The following RUFY3 variants were observed in gnomAD, a reference collection of about 807,000 sequenced individuals.
RUFY3 encodes the protein RUN and FYVE domain containing 3, also known as protein RUFY3.
In RUFY3, 34 loss-of-function variants were observed where a neutral mutation model predicts 84.0. That is an observed-to-expected ratio of 0.40 (90% CI 0.31 to 0.54). The LOEUF (loss-of-function observed/expected upper bound fraction) is 0.54, where lower values mean the gene tolerates loss of function less well. Ranked by LOEUF, RUFY3 falls within the 20% of genes least tolerant of loss-of-function variation. RUFY3 has a pLI of 0.39. For synonymous variants in RUFY3, 242 were observed against 252.9 expected (o/e 0.96, Z 0.41); for missense variants, 507 against 736.8 (o/e 0.69, Z 3.61).
chr4:70,756,435 C>T (rs753471801), intron 1 of RUFY3, among the ~76,000 whole-genome samples: 2 of 152,186 alleles, frequency 1.3e-5, no homozygotes, highest in African/African-American at 4.8e-5. Context: ...ACTCCTTAAA[C>T]AAGGTCCTTA....
rs751679664 is a variant in RUFY3 at position 70,741,729 on chromosome 4, A to T, written c.178+18978A>T. 7 of 1,349,772 alleles carry T rather than the reference A, an allele frequency of 5.2e-6. No homozygotes were observed. The South Asian group carries it at 1.1e-4, about 21-fold the overall frequency. 83.6% of individuals were successfully genotyped at this position (1,349,772 alleles called of 1,614,324 possible). On this transcript the variant is annotated intron_variant, in intron 1 of 17. Transcript: ENST00000381006. ...CAGCTTTTTCTCCTTGCTTTTTAAA[A>T]TTTTCTAACCACCTTTTAATTGTTT...
chr4:70,711,452 T>C (rs559505735), intron 1 of RUFY3, among the ~76,000 whole-genome samples: 1 of 152,304 alleles, frequency 6.6e-6, no homozygotes, highest in South Asian at 2.1e-4. Flanking sequence ...AACAGCAGAG[T>C]GATGTGTGAC....
intron 8 of RUFY3, 135 bp downstream of exon 8, chr4:70,778,573 C>CTTTTTT (rs377520137): frequency 4.1e-3 from 628 of 151,376 alleles, no homozygotes; most frequent in Non-Finnish European, 5.2e-3. Context: ...ACTTCTTATT[C>CTTTTTT]TTTTTTTTTT....
intron 1 of RUFY3, among the ~76,000 whole-genome samples, chr4:70,735,493 T>C (rs1720117588): frequency 6.6e-6 from 1 of 152,052 alleles, no homozygotes; most frequent in South Asian, 2.1e-4. Context: ...ATATTTTTCA[T>C]CATAATTAAA....
At chr4:70,718,252 T>A (rs1741858424), upstream of RUFY3, among the ~76,000 whole-genome samples, 1 of 152,174 alleles carries the variant, frequency 6.6e-6, no homozygotes. Flanking sequence ...TTTTAGGTAA[T>A]TTTTCCACAA....
chr4:70,715,915 C>T (rs1741537152), intron 1 of RUFY3, among the ~76,000 whole-genome samples: 2 of 152,090 alleles, frequency 1.3e-5, no homozygotes, highest in Non-Finnish European at 2.9e-5. Flanking sequence ...AGATCAAGAC[C>T]ATCCTGGCTA....
chr4:70,707,373 C>G (rs1740454321), intron 1 of RUFY3, among the ~76,000 whole-genome samples: 1 of 152,186 alleles, frequency 6.6e-6, no homozygotes, highest in Non-Finnish European at 1.5e-5. Flanking sequence ...ATTCTCCTGC[C>G]TCAGCCTCCT....
intron 1 of RUFY3, among the ~76,000 whole-genome samples, chr4:70,761,610 G>A (rs970192908): frequency 3.9e-5 from 6 of 152,160 alleles, no homozygotes; most frequent in Non-Finnish European, 8.8e-5. Flanking sequence ...GTAAGAGGTA[G>A]CCCACAGTGC....
At chr4:70,805,799 T>G (rs1732773240) in intron 17 of RUFY3, among the ~76,000 whole-genome samples, 1 of 152,194 alleles carries the variant, frequency 6.6e-6, no homozygotes, top group Non-Finnish European at 1.5e-5. Context: ...ATGAATTATT[T>G]GGGATGAAGG....
At position 70,788,987 on chromosome 4, in the gene RUFY3, G is replaced by A. The variant is rs924984246; in HGVS notation, c.1239+14G>A. ...TTTAAGCTGCAGGTAGGGGAAATAT[G>A]AGGAATAGACTCACTGGCTCTCTAA... On this transcript the variant is annotated intron_variant, in intron 11 of 17. Coordinates refer to ENST00000381006, the MANE Select transcript of RUFY3 (RefSeq NM_001037442.4). 1.7e-5 allele frequency: 28 copies of A among 1,613,174 alleles called. No individual in the cohort carries two copies. Among genetic ancestry groups the A allele is most frequent in the Non-Finnish European group, 2.3e-5 (27 of 1,179,466 alleles).
At chr4:70,789,788 C>A in intron 12 of RUFY3, 196 bp downstream of exon 12, 4 of 1,228,846 alleles carry the variant, frequency 3.3e-6, no homozygotes, top group Admixed American at 4.2e-5. Flanking sequence ...AAATGTCAAT[C>A]ACTTGACTAG....
At chr4:70,749,657 CTT>C (rs537416557) in intron 1 of RUFY3, among the ~76,000 whole-genome samples, 33 of 132,046 alleles carry the variant, frequency 2.5e-4, no homozygotes, top group Admixed American at 3.1e-4. Context: ...CTTGTCTTGT[CTT>C]TTTTTTTTTT....
At chr4:70,741,559 AGC>A (rs1447641867) in intron 1 of RUFY3, 2 of 1,334,366 alleles carry the variant, frequency 1.5e-6, no homozygotes, top group Non-Finnish European at 2.0e-6. Flanking sequence ...TGTTTTTAAT[AGC>A]ACTTTTCTTT....
chr4:70,798,102 C>G (rs1578255215), intron 14 of RUFY3, among the ~76,000 whole-genome samples: 1 of 152,152 alleles, frequency 6.6e-6, no homozygotes, highest in East Asian at 1.9e-4. Flanking sequence ...CTGGGTGGCT[C>G]ACACCTGTAA....
chr4:70,705,430 G>A (rs1024548280), intron 1 of RUFY3: 2 of 564,106 alleles, frequency 3.5e-6, no homozygotes, highest in Non-Finnish European at 2.8e-6. Context: ...GGCTTTAGGG[G>A]CTACCCTCGG....
chr4:70,730,904 G>A (rs79749921), intron 1 of RUFY3, among the ~76,000 whole-genome samples: 4,037 of 152,268 alleles, frequency 0.027, 76 homozygotes, highest in Middle Eastern at 0.054. Context: ...AATAAGAGGA[G>A]TCTTCTTCCC....
In RUFY3 at chr4:70,764,585, A is replaced by G; in HGVS notation, c.572+9A>G. On this transcript the variant is annotated intron_variant, in intron 4 of 17. Coordinates refer to ENST00000381006, the MANE Select transcript of RUFY3 (RefSeq NM_001037442.4). ...AAGAAAGAACTTCTCAGGTATGAAC[A>G]CCTTCTTGAACTTTCTTCTTTCCTT... 6.8e-7 allele frequency: 1 copy of G among 1,472,464 alleles called. No individual in the cohort carries two copies. The highest frequency in any genetic ancestry group is 1.7e-5 in the Admixed American group (1 of 57,244). The allele number at this position is 1,472,464 out of a possible 1,614,324, so 91.2% of individuals were successfully genotyped here. A position where few individuals can be genotyped will look rare whatever the true frequency, so the allele number is the denominator to read the frequency against.
chr4:70,768,913 C>T (rs556937328), intron 5 of RUFY3, among the ~76,000 whole-genome samples: 263 of 152,264 alleles, frequency 1.7e-3, no homozygotes, highest in Non-Finnish European at 2.9e-3. Flanking sequence ...CACACACACA[C>T]ATACACATTT....
chr4:70,766,027 C>T (rs6815384), intron 4 of RUFY3, among the ~76,000 whole-genome samples: 1,749 of 152,032 alleles, frequency 0.012, 27 homozygotes, highest in African/African-American at 0.04. Context: ...TCCCAAAGTG[C>T]TGGGATTACA....
Sources: gnomAD v4.1 joint callset for allele counts (sites outside exome capture counted in the v4.1 genomes callset) on GRCh38, gnomAD v4.1.1 for gene constraint, MANE v1.5 for transcripts, NCBI Gene and HGNC (gene_info 2026-07-23, HGNC 2026-07-21) for gene names.